The following CFAP61 variants were observed in gnomAD, a reference collection of about 807,000 sequenced individuals.
CFAP61 encodes cilia and flagella associated protein 61, also known as cilia- and flagella-associated protein 61.
Under a neutral mutation model 135.6 loss-of-function variants are expected in CFAP61, and 107 were observed. The ratio of observed to expected loss-of-function variants is 0.79; its 90% CI spans 0.67 to 0.93. CFAP61 has a LOEUF of 0.93. Ranked by LOEUF, CFAP61 falls within the 40% of genes least tolerant of loss-of-function variation. The probability of loss-of-function intolerance (pLI) is 0.00; values close to 1 mark genes in which losing one functional copy is unlikely to be tolerated. For synonymous variants in CFAP61, 575 were observed against 578.5 expected, an observed-to-expected ratio of 0.99 and a Z score of 0.09; for missense variants, 1,507 against 1,556.2, an observed-to-expected ratio of 0.97 and a Z score of 0.53.
At chr20:20,332,641 AG>A (rs1307564098) in intron 25 of CFAP61, among the ~76,000 whole-genome samples, 25 of 152,194 alleles carry the variant, frequency 1.6e-4, no homozygotes, top group Admixed American at 1.4e-3. Context: ...AAATTAAAAA[AG>A]GTCTCACTTT....
chr20:20,080,231 C>T (rs1040453922), intron 6 of CFAP61, among the ~76,000 whole-genome samples: 1 of 152,128 alleles, frequency 6.6e-6, no homozygotes, highest in Admixed American at 6.5e-5. Context: ...CATGCACTCT[C>T]TCTACATATA....
At chr20:20,243,452 T>TTTGAGATGGAGTTTCACTCTTG (rs2050171767) in intron 18 of CFAP61, among the ~76,000 whole-genome samples, 1 of 152,044 alleles carries the variant, frequency 6.6e-6, no homozygotes, top group African/African-American at 2.4e-5. Context: ...TTTTCTTTTT[T>TTTGAGATGGAGTTTCACTCTTG]TTGAGATGGA....
intron 25 of CFAP61, among the ~76,000 whole-genome samples, chr20:20,314,950 G>C (rs2057043982): frequency 8.1e-6 from 1 of 123,156 alleles, no homozygotes; most frequent in African/African-American, 3.5e-5. Context: ...TGGACATTTG[G>C]GTTGGTTCCA....
intron 23 of CFAP61, among the ~76,000 whole-genome samples, chr20:20,289,749 GT>G (rs1260472798): frequency 6.6e-6 from 1 of 152,248 alleles, no homozygotes; most frequent in Non-Finnish European, 1.5e-5. Context: ...CTGAGGAAAG[GT>G]GGTGGCCGTA....
rs1163266090 is a variant in CFAP61, at chr20:20,056,662, A to T, written c.9A>T (p.Val3=). The change falls in exon 2 of 27, where the codon GTA becomes GTT. Residue 3 remains valine, a synonymous_variant. Transcript: ENST00000245957. ...TGGGGACAGGATAAAAAATGTCAGT[A>T]CTCACTTCTCCAAGAGGAAAGGTAG... The part of the protein sequence containing the change: MS[V]LTSPRGKVEV... The T allele has an allele frequency of 6.2e-7, 1 of 1,614,154 alleles. No individual in the cohort carries two copies. Among genetic ancestry groups the T allele is most frequent in the East Asian group, 2.2e-5 (1 of 44,872 alleles).
At position 20,191,942 on chromosome 20, in the gene CFAP61, A is replaced by G. The variant is rs375089896; in HGVS notation, c.1590+523A>G. 5.9e-5 allele frequency among the ~76,000 whole-genome samples: 9 copies of G among 152,126 alleles called. No individual in the cohort carries two copies. In the South Asian group the frequency reaches 1.5e-3, roughly 25 times the overall value. Reference sequence around the variant, plus strand: ...ATTAAGTTTCTATATGCCTATGTCTATTTTTAAACTCTGTTCTGTTCCGTG... The same window carrying G: ...ATTAAGTTTCTATATGCCTATGTCTGTTTTTAAACTCTGTTCTGTTCCGTG... On this transcript the variant is annotated intron_variant, in intron 15 of 26. Coordinates refer to ENST00000245957, the MANE Select transcript of CFAP61 (RefSeq NM_015585.4).
chr20:20,357,198 TGA>T (rs1457860247), intron 26 of CFAP61, among the ~76,000 whole-genome samples: 88 of 18,424 alleles, frequency 4.8e-3, no homozygotes, highest in East Asian at 6.3e-3. Flanking sequence ...ATACTGTGAG[TGA>T]GGAGGTAGTC....
chr20:20,277,344 A>T lies in CFAP61; in HGVS notation c.2682A>T (p.Gly894=), dbSNP rs773037607. 6.2e-7 allele frequency: 1 copy of T among 1,614,174 alleles called. No homozygotes were observed. Among genetic ancestry groups the T allele is most frequent in the Non-Finnish European group, 8.5e-7 (1 of 1,180,016 alleles). ...TGGCGGACGCGCTAGGAGCCGCCGG[A>T]GTCACTATGTACCGGGATGCGATCC... is the stretch of plus-strand genomic sequence containing the variant. ...SAVADALGAA[G]VTMYRDAILA... The change falls in exon 22 of 27, where the codon GGA becomes GGT. Residue 894 remains glycine (G), a synonymous_variant. Coordinates refer to ENST00000245957, the MANE Select transcript of CFAP61 (RefSeq NM_015585.4).
chr20:20,215,211 A>C (rs1342693037), intron 17 of CFAP61: 3 of 152,136 alleles, frequency 2.0e-5, no homozygotes, highest in Admixed American at 2.0e-4. Context: ...TTCACCTCCC[A>C]CACGGGAAGC....
intron 6 of CFAP61, among the ~76,000 whole-genome samples, chr20:20,084,530 G>A (rs377323048): frequency 1.3e-5 from 2 of 152,144 alleles, no homozygotes; most frequent in South Asian, 2.1e-4. Context: ...TCTCAGACTC[G>A]AGGGAAGCAG....
Position 20,228,393 on chromosome 20 carries a change from T to G in CFAP61, c.2060+17T>G, listed in dbSNP as rs1453440620. ...GGTATTTTGGTGAGTTGTTTCACTC[T>G]ATTGATTGATTGGTTTTTAAATAAT... is the stretch of plus-strand genomic sequence containing the variant. On this transcript the variant is annotated intron_variant, in intron 18 of 26. Coordinates refer to ENST00000245957, the MANE Select transcript of CFAP61 (RefSeq NM_015585.4). The G allele has an allele frequency of 1.3e-5, 20 of 1,591,360 alleles. No homozygotes were observed. The South Asian group carries it at 2.0e-4, about 16-fold the overall frequency.
intron 18 of CFAP61, among the ~76,000 whole-genome samples, chr20:20,238,950 C>T (rs186611543): frequency 5.3e-5 from 8 of 151,710 alleles, no homozygotes; most frequent in Non-Finnish European, 1.0e-4. Flanking sequence ...GAGCACTTAA[C>T]TTGAAACTTT....
chr20:20,289,128 C>T (rs576164628), intron 23 of CFAP61, among the ~76,000 whole-genome samples, 192 bp downstream of exon 23: 10 of 152,210 alleles, frequency 6.6e-5, no homozygotes, highest in East Asian at 1.9e-4. Flanking sequence ...ATTGTTATTA[C>T]GGTTCTTTGC....
chr20:20,179,001 T>G (rs1386196552), intron 13 of CFAP61, among the ~76,000 whole-genome samples: 3 of 152,180 alleles, frequency 2.0e-5, no homozygotes, highest in Non-Finnish European at 4.4e-5. Context: ...TCCCTGTTAT[T>G]TCATTTTTAT....
intron 2 of CFAP61, chr20:20,069,601 G>A (rs1037758383): frequency 1.9e-5 from 7 of 366,148 alleles, no homozygotes; most frequent in Middle Eastern, 4.1e-4. Flanking sequence ...AAAAACACAC[G>A]ATGTACATTT....
At position 20,196,685 on chromosome 20, in the gene CFAP61, A is replaced by C; in HGVS notation, c.1706A>C (p.His569Pro). Residue 569 changes from histidine to proline, a missense_variant, in exon 16 of 27, where the codon CAC becomes CCC. Physicochemically the swap from His to Pro is moderately conservative, Grantham distance 77. Coordinates refer to ENST00000245957, the MANE Select transcript of CFAP61 (RefSeq NM_015585.4). ...HHFALNPIFR[H>P]YTKFFLKEIL... ...TTTGCCCTCAACCCCATTTTCCGGC[A>C]CTACACCAAGTTCTTTCTGAAGGAG... is the stretch of plus-strand genomic sequence containing the variant. 2 of 1,614,126 alleles carry C rather than the reference A, an allele frequency of 1.2e-6. No homozygotes were observed. The highest frequency in any genetic ancestry group is 1.7e-6 in the Non-Finnish European group (2 of 1,180,036).
At position 20,359,335 on chromosome 20, in the gene CFAP61, T is replaced by G. The variant is rs1347579360; in HGVS notation, c.3514-875T>G. Among the ~76,000 whole-genome samples, 1 of 150,978 alleles carries G rather than the reference T, an allele frequency of 6.6e-6. No individual in the cohort carries two copies. The highest frequency in any genetic ancestry group is 2.4e-5 in the African/African-American group (1 of 41,338). On this transcript the variant is annotated intron_variant, in intron 26 of 26. Transcript: ENST00000245957. The surrounding 1 kb of genome is among the most constrained non-coding windows in gnomAD (Gnocchi z 4.0). ...ATAGGACCTTTCAAGTAAAAAGGTT[T>G]AATCACTCCTTTTTTTTATTTTTAA...
At chr20:20,200,174 G>A (rs2056538592) in intron 17 of CFAP61, among the ~76,000 whole-genome samples, 1 of 152,228 alleles carries the variant, frequency 6.6e-6, no homozygotes. Context: ...AGGACAAAAG[G>A]CCTAGAGTCA....
chr20:20,197,984 A>G (rs1459497156), intron 16 of CFAP61, among the ~76,000 whole-genome samples: 1 of 152,242 alleles, frequency 6.6e-6, no homozygotes, highest in Non-Finnish European at 1.5e-5. Flanking sequence ...TACACATAAC[A>G]ATAATTTTGC....
Sources: gnomAD v4.1 joint callset for allele counts (sites outside exome capture counted in the v4.1 genomes callset) on GRCh38, gnomAD v4.1.1 for gene constraint, Gnocchi (gnomAD v3.1) non-coding constraint, MANE v1.5 for transcripts, NCBI Gene and HGNC (gene_info 2026-07-23, HGNC 2026-07-21) for gene names.